The following MECOM variants were observed in gnomAD, a reference collection of about 807,000 sequenced individuals.
MECOM encodes MDS1 and EVI1 complex locus.
MECOM carries 13 observed loss-of-function variants against 116.3 expected under a neutral mutation model. The observed-to-expected ratio is 0.11, with a 90% CI of 0.07 to 0.18. The LOEUF is 0.18. MECOM is among the 10% of genes least tolerant of loss of function. MECOM has a pLI of 1.00. For missense variants in MECOM, 1,299 were observed against 1,509.0 expected, an observed-to-expected ratio of 0.86 and a Z score of 2.31; for synonymous variants, 528 against 535.2, an observed-to-expected ratio of 0.99 and a Z score of 0.19.
intron 2 of MECOM, among the ~76,000 whole-genome samples, chr3:169,375,317 C>G (rs1269795205): frequency 6.6e-6 from 1 of 151,640 alleles, no homozygotes; most frequent in East Asian, 1.9e-4. Context: ...AAGAAATAAT[C>G]TAAGATCAGA....
chr3:169,361,169 G>C (rs1728243530), intron 2 of MECOM, among the ~76,000 whole-genome samples: 1 of 151,796 alleles, frequency 6.6e-6, no homozygotes, highest in Non-Finnish European at 1.5e-5. Flanking sequence ...TCTCAACCCT[G>C]CTCCACCGCA....
chr3:169,520,825 G>A (rs1285567342), intron 1 of MECOM, among the ~76,000 whole-genome samples: 2 of 152,016 alleles, frequency 1.3e-5, no homozygotes, highest in Admixed American at 6.6e-5. Context: ...TGACTTAGTG[G>A]CTCAGATGTG....
intron 2 of MECOM, among the ~76,000 whole-genome samples, chr3:169,203,979 T>G (rs1200162187): frequency 6.6e-6 from 1 of 152,216 alleles, no homozygotes; most frequent in Non-Finnish European, 1.5e-5. Flanking sequence ...CTTGGAATTA[T>G]ATGGCTTAGG....
In MECOM at chr3:169,179,826, G is replaced by A. The variant is rs150729134; in HGVS notation, c.376-35994C>T. On this transcript the variant is annotated intron_variant, in intron 2 of 16. Transcript: ENST00000651503. Reference sequence around the variant, plus strand: ...TTATATTTCCTTCAGTCCAGCAGCCGGTCTCTCTTTTTAAGCTGTCAACTA... The same window carrying A: ...TTATATTTCCTTCAGTCCAGCAGCCAGTCTCTCTTTTTAAGCTGTCAACTA... 8.2e-3 allele frequency among the ~76,000 whole-genome samples: 1,241 copies of A among 152,132 alleles called. 10 individuals carry two copies. Among genetic ancestry groups the A allele is most frequent in the Non-Finnish European group, 0.014 (965 of 67,990 alleles).
chr3:169,639,692 G>A (rs1773225974), intron 1 of MECOM, among the ~76,000 whole-genome samples: 1 of 152,062 alleles, frequency 6.6e-6, no homozygotes, highest in Admixed American at 6.5e-5. Context: ...TAGGGAAAAG[G>A]AATAAATTAA....
intron 2 of MECOM, among the ~76,000 whole-genome samples, chr3:169,199,392 G>A (rs1748862558): frequency 1.3e-5 from 2 of 151,938 alleles, no homozygotes. Flanking sequence ...GAGGAAACAT[G>A]TTAACTTCTT....
chr3:169,502,118 C>T (rs1754616053), intron 1 of MECOM, among the ~76,000 whole-genome samples: 2 of 152,066 alleles, frequency 1.3e-5, no homozygotes, highest in African/African-American at 2.4e-5. Context: ...GATCTACTTC[C>T]TTTTCCTACA....
chr3:169,485,460 T>A (rs1752008245), intron 1 of MECOM, among the ~76,000 whole-genome samples: 2 of 152,178 alleles, frequency 1.3e-5, no homozygotes, highest in Non-Finnish European at 2.9e-5. Context: ...AGACATTCAT[T>A]AACTTAAATT....
chr3:169,269,991 T>C (rs1174435668), intron 2 of MECOM, among the ~76,000 whole-genome samples: 1 of 151,328 alleles, frequency 6.6e-6, no homozygotes, highest in East Asian at 1.9e-4. Context: ...TGTGTGTGTG[T>C]AGGTATTTCA....
chr3:169,323,696 C>T (rs1721306287), intron 2 of MECOM, among the ~76,000 whole-genome samples: 1 of 152,200 alleles, frequency 6.6e-6, no homozygotes, highest in Non-Finnish European at 1.5e-5. Flanking sequence ...TCAAACAATG[C>T]ATCCTTGTTC....
At chr3:169,496,175 A>T (rs897503119) in intron 1 of MECOM, among the ~76,000 whole-genome samples, 3 of 152,220 alleles carry the variant, frequency 2.0e-5, no homozygotes, top group Non-Finnish European at 4.4e-5. Flanking sequence ...CTCACCATTG[A>T]AAACATATTA....
At chr3:169,230,830 A>C (rs1753299789) in intron 2 of MECOM, among the ~76,000 whole-genome samples, 2 of 152,192 alleles carry the variant, frequency 1.3e-5, no homozygotes, top group Non-Finnish European at 1.5e-5. Flanking sequence ...TTGCCGCAAC[A>C]TACAGAATTG....
At chr3:169,203,021 CATT>C (rs1749393289) in intron 2 of MECOM, among the ~76,000 whole-genome samples, 1 of 152,058 alleles carries the variant, frequency 6.6e-6, no homozygotes, top group African/African-American at 2.4e-5. Flanking sequence ...ATCATCCTGC[CATT>C]TCTCACCAAC....
intron 2 of MECOM, among the ~76,000 whole-genome samples, chr3:169,197,815 C>T (rs905227924): frequency 7.2e-5 from 11 of 151,956 alleles, no homozygotes; most frequent in African/African-American, 2.7e-4. Context: ...ACTGGTTTGG[C>T]TCTGCTATAG....
intron 1 of MECOM, among the ~76,000 whole-genome samples, chr3:169,592,838 C>T (rs1229187951): frequency 6.6e-6 from 1 of 152,138 alleles, no homozygotes; most frequent in Non-Finnish European, 1.5e-5. Context: ...CACACATACA[C>T]ATATACACAT....
intron 2 of MECOM, among the ~76,000 whole-genome samples, chr3:169,248,469 T>C (rs1755857169): frequency 6.6e-6 from 1 of 152,202 alleles, no homozygotes; most frequent in South Asian, 2.1e-4. Context: ...TGGTATAACA[T>C]GTTCAGGGAT....
chr3:169,363,309 T>C (rs756410023), intron 2 of MECOM, among the ~76,000 whole-genome samples: 1 of 152,014 alleles, frequency 6.6e-6, no homozygotes, highest in Non-Finnish European at 1.5e-5. Context: ...ATGATAAATA[T>C]ATGCATTTAA....
At chr3:169,621,158 T>C (rs1434173810) in intron 1 of MECOM, among the ~76,000 whole-genome samples, 1 of 152,262 alleles carries the variant, frequency 6.6e-6, no homozygotes, top group Non-Finnish European at 1.5e-5. Context: ...GTCTGGTATA[T>C]CAGCTAGTGT....
intron 1 of MECOM, among the ~76,000 whole-genome samples, chr3:169,413,135 G>A (rs1737835953): frequency 6.6e-6 from 1 of 152,236 alleles, no homozygotes; most frequent in African/African-American, 2.4e-5. Flanking sequence ...GGTGATTTCT[G>A]CATTTCCAAC....
Sources: gnomAD v4.1 joint callset for allele counts (sites outside exome capture counted in the v4.1 genomes callset) on GRCh38, gnomAD v4.1.1 for gene constraint, MANE v1.5 for transcripts, NCBI Gene and HGNC (gene_info 2026-07-23, HGNC 2026-07-21) for gene names.